The following WWC2 variants were observed in gnomAD, a reference collection of about 807,000 sequenced individuals.
WWC2 encodes protein WWC2.
Under a neutral mutation model 138.5 loss-of-function variants are expected in WWC2, and 101 were observed. The ratio of observed to expected loss-of-function variants is 0.73; its 90% confidence interval spans 0.62 to 0.86. The LOEUF is 0.86. WWC2 is among the 40% of genes least tolerant of loss of function. The probability of loss-of-function intolerance (pLI) is 0.00; values close to 1 mark genes in which losing one functional copy is unlikely to be tolerated. For missense variants in WWC2, 1,420 were observed against 1,419.4 expected, an observed-to-expected ratio of 1.00 and a Z score of -0.01; for synonymous variants, 558 against 538.4, an observed-to-expected ratio of 1.04 and a Z score of -0.50.
At chr4:183,126,160 T>G (rs935595500) in intron 1 of WWC2, among the ~76,000 whole-genome samples, 3 of 152,234 alleles carry the variant, frequency 2.0e-5, no homozygotes, top group East Asian at 1.9e-4. Flanking sequence ...CTGAGCCTGT[T>G]TATTCTCAAA....
At chr4:183,247,824 G>A (rs2111329602) in intron 6 of WWC2, among the ~76,000 whole-genome samples, 1 of 139,406 alleles carries the variant, frequency 7.2e-6, no homozygotes, top group South Asian at 2.3e-4. Flanking sequence ...CCCTTTGAGA[G>A]AAAATAGAGA....
chr4:183,318,508 A>AC lies in WWC2; in HGVS notation c.*2779_*2780insC, dbSNP rs1281094256. The AC allele has an allele frequency of 6.6e-6, 1 of 152,134 alleles. No homozygotes were observed. The highest frequency in any genetic ancestry group is 1.5e-5 in the Non-Finnish European group (1 of 67,926). The allele number at this position is 152,134 out of a possible 1,614,324, so 9.4% of individuals were successfully genotyped here. A position where few individuals can be genotyped will look rare whatever the true frequency, so the allele number is the denominator to read the frequency against. On this transcript the variant is annotated 3_prime_UTR_variant, in exon 23 of 23. Transcript: ENST00000403733. Reference sequence around the variant, plus strand: ...AGTGGTTTTTTTTAAAAAAAAAAGCAAAAACAAAGCTACATATTGCCTAAT... The same window carrying AC: ...AGTGGTTTTTTTTAAAAAAAAAAGCACAAAACAAAGCTACATATTGCCTAAT...
chr4:183,296,933 CAAAAAAAAAAAAAAAA>C (rs776211338), intron 21 of WWC2, among the ~76,000 whole-genome samples: 22 of 70,756 alleles, frequency 3.1e-4, no homozygotes, highest in Admixed American at 1.1e-3. Flanking sequence ...GACTCCGTCT[CAAAAAAAAAAAAAAAA>C]AAAAAAAAAA....
Position 183,316,067 on chromosome 4 carries a change from AG to A in WWC2, c.*339del, listed in dbSNP as rs1739428895. On this transcript the variant is annotated 3_prime_UTR_variant, in exon 23 of 23. Transcript: ENST00000403733. The stretch of plus-strand genomic sequence containing the variant: ...ATGTGTACTGTTGAGCCGGCTGTTG[AG>A]AAACAACTTGGTTCAGCCGGTGGTT... 1 of 203,030 alleles carries A rather than the reference AG, an allele frequency of 4.9e-6. No individual in the cohort carries two copies. The highest frequency in any genetic ancestry group is 5.4e-5 in the Admixed American group (1 of 18,480). 12.6% of individuals were successfully genotyped at this position (203,030 alleles called of 1,614,324 possible).
At chr4:183,263,362 G>A (rs2111363022) in intron 11 of WWC2, among the ~76,000 whole-genome samples, 1 of 152,292 alleles carries the variant, frequency 6.6e-6, no homozygotes, top group Admixed American at 6.5e-5. Context: ...CTGAGGTCTG[G>A]GAGTCCTGTC....
At position 183,315,569 on chromosome 4, in the gene WWC2, T is replaced by C. The variant is rs546547053; in HGVS notation, c.3513-94T>C. On this transcript the variant is annotated intron_variant, in intron 22 of 22. Transcript: ENST00000403733. ...GCTTCTACCTGTGCTTGCAGAGACA[T>C]CACTGCCACTGCAGGTCTTGGGGAC... 40 of 870,948 alleles carry C rather than the reference T, an allele frequency of 4.6e-5. No individual in the cohort carries two copies. The Admixed American group carries it at 9.6e-4, about 21-fold the overall frequency. The allele number at this position is 870,948 out of a possible 1,614,324, so 54.0% of individuals were successfully genotyped here. A position where few individuals can be genotyped will look rare whatever the true frequency, so the allele number is the denominator to read the frequency against.
intron 21 of WWC2, among the ~76,000 whole-genome samples, chr4:183,306,744 C>G (rs976085079): frequency 2.2e-4 from 33 of 152,044 alleles, no homozygotes; most frequent in Non-Finnish European, 3.7e-4. Context: ...CCAGGCTGGT[C>G]TCGATCTCCT....
intron 21 of WWC2, among the ~76,000 whole-genome samples, chr4:183,308,003 TG>T (rs1311827212): frequency 1.3e-5 from 2 of 152,320 alleles, no homozygotes; most frequent in Non-Finnish European, 2.9e-5. Flanking sequence ...GAAACAACTC[TG>T]GGAACTAATA....
intron 11 of WWC2, among the ~76,000 whole-genome samples, chr4:183,262,561 C>T (rs1016854202): frequency 6.6e-6 from 1 of 152,244 alleles, no homozygotes; most frequent in South Asian, 2.1e-4. Context: ...AAGTGCTGTG[C>T]CCTGTCAGTG....
chr4:183,198,397 T>A (rs185945766), intron 2 of WWC2, among the ~76,000 whole-genome samples: 146 of 152,236 alleles, frequency 9.6e-4, no homozygotes, highest in Non-Finnish European at 1.6e-3. Context: ...AAATTTATTT[T>A]TGTTTTCATT....
chr4:183,257,048 A>G (rs35880966), intron 9 of WWC2, among the ~76,000 whole-genome samples: 15,046 of 152,174 alleles, frequency 0.099, 1,054 homozygotes, highest in Non-Finnish European at 0.15. Flanking sequence ...AATGAAAAAA[A>G]CCATGCAGGG....
In WWC2 at chr4:183,188,643, C is replaced by CTTTT. The variant is rs11341026; in HGVS notation, c.132-4940_132-4937dup. Among the ~76,000 whole-genome samples the CTTTT allele has an allele frequency of 3.1e-4, 25 of 79,754 alleles. 1 individual carries two copies. The East Asian group carries it at 6.6e-3, about 21-fold the overall frequency. The allele number at this position is 79,754 out of a possible 152,430, so 52.3% of individuals were successfully genotyped here. A position where few individuals can be genotyped will look rare whatever the true frequency, so the allele number is the denominator to read the frequency against. ...ATCTCTCTCTCTCTCTTGCTCCTTT[C>CTTTT]TTTTTTTTTTTTTTTTTTTGAGACG... On this transcript the variant is annotated intron_variant, in intron 1 of 22. Transcript: ENST00000403733.
intron 21 of WWC2, 65 bp from the exon 22 acceptor site, chr4:183,312,276 G>C (rs1166348032): frequency 2.1e-5 from 33 of 1,586,466 alleles, no homozygotes; most frequent in Non-Finnish European, 2.7e-5. Context: ...AAGCTTCATA[G>C]GATGTCTCCA....
intron 21 of WWC2, among the ~76,000 whole-genome samples, chr4:183,293,018 C>T (rs1387012641): frequency 4.6e-5 from 7 of 152,340 alleles, no homozygotes; most frequent in African/African-American, 9.6e-5. Flanking sequence ...TGCAGTGGCA[C>T]GATCTCGGCT....
At chr4:183,305,152 C>A (rs1275528139) in intron 21 of WWC2, among the ~76,000 whole-genome samples, 1 of 151,826 alleles carries the variant, frequency 6.6e-6, no homozygotes, top group African/African-American at 2.4e-5. Context: ...CTGGACATGA[C>A]TAAAGAAAGA....
chr4:183,258,425 A>G (rs1737219037), intron 9 of WWC2, among the ~76,000 whole-genome samples: 1 of 152,358 alleles, frequency 6.6e-6, no homozygotes, highest in East Asian at 1.9e-4. Context: ...TTGACACATC[A>G]AAGGGATAGA....
At chr4:183,278,453 C>T (rs1193997517) in intron 16 of WWC2, among the ~76,000 whole-genome samples, 85 of 151,256 alleles carry the variant, frequency 5.6e-4, no homozygotes, top group African/African-American at 1.9e-3. Flanking sequence ...ATTGACTTGG[C>T]GATGCAGGCT....
At chr4:183,193,086 C>T (rs1252454992) in intron 1 of WWC2, among the ~76,000 whole-genome samples, 4 of 152,096 alleles carry the variant, frequency 2.6e-5, no homozygotes, top group Non-Finnish European at 5.9e-5. Flanking sequence ...CTGTTATGTA[C>T]AAGATACTTA....
At chr4:183,267,706 C>G (rs1737550001) in intron 14 of WWC2, among the ~76,000 whole-genome samples, 3 of 152,280 alleles carry the variant, frequency 2.0e-5, no homozygotes, top group Non-Finnish European at 1.5e-5. Context: ...TAGTGTAGGA[C>G]CAGTGAAATA....
Sources: allele counts gnomAD v4.1 joint callset (sites outside exome capture counted in the v4.1 genomes callset), GRCh38; gene constraint gnomAD v4.1.1; transcripts MANE v1.5; gene names NCBI Gene and HGNC (gene_info 2026-07-23, HGNC 2026-07-21).